The following SLC25A3 variants were observed in gnomAD, a reference collection of about 807,000 sequenced individuals.
SLC25A3 encodes the protein solute carrier family 25 member 3.
SLC25A3 carries 14 observed loss-of-function variants against 37.1 expected under a neutral mutation model. The observed-to-expected ratio is 0.38, with a 90% CI of 0.25 to 0.59. The LOEUF is 0.59. SLC25A3 is among the 20% of genes least tolerant of loss of function. The probability of loss-of-function intolerance (pLI) is 0.67; values close to 1 mark genes in which losing one functional copy is unlikely to be tolerated. For synonymous variants in SLC25A3, 161 were observed against 168.7 expected, an observed-to-expected ratio of 0.95 and a Z score of 0.36; for missense variants, 385 against 458.1, an observed-to-expected ratio of 0.84 and a Z score of 1.46.
At chr12:98,600,926 C>T (rs2097597341) in intron 6 of SLC25A3, 6 of 430,564 alleles carry the variant, frequency 1.4e-5, no homozygotes, top group Non-Finnish European at 2.1e-5. Flanking sequence ...TACTGTTGCA[C>T]CATTTTTTTG....
At position 98,601,771 on chromosome 12, in the gene SLC25A3, G is replaced by T. The variant is rs1390975393; in HGVS notation, c.*243G>T. The T allele has an allele frequency of 1.4e-5, 7 of 499,380 alleles. No homozygotes were observed. The East Asian group carries it at 1.5e-4, about 11-fold the overall frequency. 30.9% of individuals were successfully genotyped at this position (499,380 alleles called of 1,614,324 possible). The stretch of plus-strand genomic sequence containing the variant: ...GATTTAGCTTTAAAATAGTTGGAAA[G>T]AATGAAGTATATAAGTTAAGGAAAA... On this transcript the variant is annotated 3_prime_UTR_variant, in exon 8 of 8. Coordinates refer to ENST00000552981, the MANE Select transcript of SLC25A3 (RefSeq NM_002635.4).
intron 5 of SLC25A3, among the ~76,000 whole-genome samples, chr12:98,599,221 C>G (rs2097595677): frequency 6.6e-6 from 1 of 152,110 alleles, no homozygotes; most frequent in Non-Finnish European, 1.5e-5. Context: ...ACCACCACGC[C>G]TGGCTAATTT....
intron 3 of SLC25A3, 32 bp downstream of exon 3, chr12:98,595,880 C>G: frequency 6.3e-7 from 1 of 1,576,348 alleles, no homozygotes; most frequent in Non-Finnish European, 8.7e-7. Flanking sequence ...TTGAAAGTAT[C>G]TCTCATGTGA....
chr12:98,596,972 T>A (rs998918839), intron 3 of SLC25A3, among the ~76,000 whole-genome samples: 4 of 152,026 alleles, frequency 2.6e-5, no homozygotes, highest in Non-Finnish European at 4.4e-5. Flanking sequence ...TGAGCTGAGA[T>A]CACACCATGG....
At position 98,597,898 on chromosome 12, in the gene SLC25A3, G is replaced by C. The variant is rs956371610; in HGVS notation, c.322G>C (p.Val108Leu). ...CAAGGGCATATTTAACGGATTCTCAGTTACACTTAAAGAGGATGGTGTTCG... is the reference window on the plus strand; with the variant it reads ...CAAGGGCATATTTAACGGATTCTCACTTACACTTAAAGAGGATGGTGTTCG... Reference protein sequence around the residue: ...KYKGIFNGFSVTLKEDGVRGL... With the variant: ...KYKGIFNGFSLTLKEDGVRGL... The change falls in exon 4 of 8, where the codon GTT (valine) becomes CTT (leucine). Residue 108 changes from valine (V) to leucine (L), a missense_variant. By Grantham distance (32) the Val-to-Leu change is conservative. Coordinates refer to ENST00000552981, the MANE Select transcript of SLC25A3 (RefSeq NM_002635.4). 5 of 1,614,050 alleles carry C rather than the reference G, an allele frequency of 3.1e-6. No individual in the cohort carries two copies. In the South Asian group the frequency reaches 5.5e-5, roughly 18 times the overall value.
In SLC25A3 at chr12:98,594,019, T is replaced by C. The variant is rs1271649634; in HGVS notation, c.41T>C (p.Phe14Ser). 6.2e-7 allele frequency: 1 copy of C among 1,613,584 alleles called. No individual in the cohort carries two copies. Among genetic ancestry groups the C allele is most frequent in the East Asian group, 2.2e-5 (1 of 44,870 alleles). The change falls in exon 2 of 8, where the codon TTC becomes TCC. Residue 14 changes from phenylalanine to serine, a missense_variant. By Grantham distance (155) the Phe-to-Ser change is radical (BLOSUM62 -2). This residue lies in a region of SLC25A3 where 109 missense variants were observed against 90.5 expected (regional missense o/e 1.20). Coordinates refer to ENST00000552981, the MANE Select transcript of SLC25A3 (RefSeq NM_002635.4). ...SVAHLARANP[F>S]NTPHLQLVHD... ...GCGCACCTGGCGCGGGCGAACCCCT[T>C]CAACACGCCACATCTGCAGCTGGTG...
chr12:98,595,407 T>G, intron 2 of SLC25A3: 1 of 1,611,832 alleles, frequency 6.2e-7, no homozygotes, highest in Non-Finnish European at 8.5e-7. Flanking sequence ...AATACTTACT[T>G]GATTTTTTTT....
At chr12:98,598,088 T>A in intron 4 of SLC25A3, 53 bp downstream of exon 4, 2 of 1,589,006 alleles carry the variant, frequency 1.3e-6, no homozygotes, top group Non-Finnish European at 1.7e-6. Flanking sequence ...ACTTTCCGAG[T>A]GTTCTTAGAT....
chr12:98,598,092 C>G, intron 4 of SLC25A3, 57 bp downstream of exon 4: 2 of 1,583,394 alleles, frequency 1.3e-6, no homozygotes, highest in Non-Finnish European at 1.7e-6. Flanking sequence ...TCCGAGTGTT[C>G]TTAGATTTTT....
chr12:98,603,364 G>A lies in SLC25A3; in HGVS notation c.*1836G>A, dbSNP rs2097599288. On this transcript the variant is annotated 3_prime_UTR_variant, in exon 8 of 8. Coordinates refer to ENST00000552981, the MANE Select transcript of SLC25A3 (RefSeq NM_002635.4). Reference sequence around the variant, plus strand: ...GGTGGTATTTTGGGGCTCCAGGAGAGCTTGGCAGAGTTGGCTTTTTAGGAC... The same window carrying A: ...GGTGGTATTTTGGGGCTCCAGGAGAACTTGGCAGAGTTGGCTTTTTAGGAC... 6.6e-6 allele frequency: 1 copy of A among 152,252 alleles called. No individual in the cohort carries two copies. The highest frequency in any genetic ancestry group is 6.6e-5 in the Admixed American group (1 of 15,266). 9.4% of individuals were successfully genotyped at this position (152,252 alleles called of 1,614,324 possible). A position where few individuals can be genotyped will look rare whatever the true frequency, so the allele number is the denominator to read the frequency against.
chr12:98,604,121 G>A lies in SLC25A3; in HGVS notation c.*2593G>A, dbSNP rs1292608841. On this transcript the variant is annotated 3_prime_UTR_variant, in exon 8 of 8. Transcript: ENST00000552981. The stretch of plus-strand genomic sequence containing the variant: ...ATACAAAATTAGCTGCGGTGGTGGT[G>A]CGTGCCTGTAATCCCAGCTACTCAG... 1 of 151,828 alleles carries A rather than the reference G, an allele frequency of 6.6e-6. No individual in the cohort carries two copies. Among genetic ancestry groups the A allele is most frequent in the Admixed American group, 6.6e-5 (1 of 15,222 alleles). 9.4% of individuals were successfully genotyped at this position (151,828 alleles called of 1,614,324 possible).
In SLC25A3 at chr12:98,605,815, C is replaced by CT. The variant is rs540396953; in HGVS notation, c.*4288dup. 5.7e-5 allele frequency: 8 copies of CT among 141,068 alleles called. No homozygotes were observed. In the South Asian group the frequency reaches 1.7e-3, roughly 30 times the overall value. 8.7% of individuals were successfully genotyped at this position (141,068 alleles called of 1,614,324 possible). A position where few individuals can be genotyped will look rare whatever the true frequency, so the allele number is the denominator to read the frequency against. ...AGCCTGGGCGACAGAGCCAGACTGT[C>CT]TGAGGAAGAAATTGTATATCAGGCT... On this transcript the variant is annotated 3_prime_UTR_variant, in exon 8 of 8. Transcript: ENST00000552981.
At chr12:98,594,538 T>C (rs2153282766) in intron 2 of SLC25A3, 4 of 596,162 alleles carry the variant, frequency 6.7e-6, no homozygotes, top group Middle Eastern at 8.9e-4. Context: ...TTCTTAAAAA[T>C]AGTCCTTTCC....
intron 2 of SLC25A3, chr12:98,595,047 A>G (rs2097591789): frequency 3.8e-6 from 1 of 263,582 alleles, no homozygotes; most frequent in African/African-American, 2.2e-5. Flanking sequence ...AGTATTGGTT[A>G]GTGGCTGGGA....
At chr12:98,600,325 C>T (rs1261120195) in intron 6 of SLC25A3, among the ~76,000 whole-genome samples, 198 bp downstream of exon 6, 2 of 152,166 alleles carry the variant, frequency 1.3e-5, no homozygotes, top group African/African-American at 2.4e-5. Context: ...GCAACCTCCT[C>T]CTCCTGGGTT....
rs1381947587 is a variant in SLC25A3, at chr12:98,603,219, C to T, written c.*1691C>T. ...TCGGGAGTATCAGACTCTTCTGGTT[C>T]TGAGTCTCATGAAGCTTTTCACTTC... On this transcript the variant is annotated 3_prime_UTR_variant, in exon 8 of 8. Coordinates refer to ENST00000552981, the MANE Select transcript of SLC25A3 (RefSeq NM_002635.4). The T allele has an allele frequency of 2.0e-5, 3 of 152,206 alleles. No individual in the cohort carries two copies. In the East Asian group the frequency reaches 5.8e-4, roughly 29 times the overall value. The allele number at this position is 152,206 out of a possible 1,614,324, so 9.4% of individuals were successfully genotyped here.
In SLC25A3 at chr12:98,600,019, T is replaced by C; in HGVS notation, c.706T>C (p.Cys236Arg). Residue 236 changes from cysteine to arginine, a missense_variant, in exon 6 of 8, where the codon TGC becomes CGC. Around this residue, in one of 2 missense-constraint regions of SLC25A3, gnomAD observed 276 missense variants for 367.6 expected, o/e 0.75. Transcript: ENST00000552981. ...QIPYTMMKFACFERTVEALYK... is the reference protein window; with the variant it reads ...QIPYTMMKFARFERTVEALYK... ...ACCATACACCATGATGAAGTTCGCC[T>C]GCTTTGAACGTACTGTTGAAGCACT... The C allele has an allele frequency of 6.2e-7, 1 of 1,614,190 alleles. No homozygotes were observed. Among genetic ancestry groups the C allele is most frequent in the Non-Finnish European group, 8.5e-7 (1 of 1,179,984 alleles).
chr12:98,595,328 A>G, intron 2 of SLC25A3: 1 of 1,231,278 alleles, frequency 8.1e-7, no homozygotes, highest in South Asian at 1.2e-5. Flanking sequence ...AAAGCTATTC[A>G]GCTGTGATAA....
At chr12:98,595,657 A>G in intron 2 of SLC25A3, 70 bp from the exon 3 acceptor site, 1 of 1,613,686 alleles carries the variant, frequency 6.2e-7, no homozygotes, top group South Asian at 1.1e-5. Context: ...CTAACTGTCC[A>G]GGAGGTAAGT....
Sources: gnomAD v4.1 joint callset for allele counts (sites outside exome capture counted in the v4.1 genomes callset) on GRCh38, gnomAD v4.1.1 for gene constraint, gnomAD v4.1.1 regional missense constraint, MANE v1.5 for transcripts, NCBI Gene and HGNC (gene_info 2026-07-23, HGNC 2026-07-21) for gene names.